The following BMERB1 variants were observed in gnomAD, a reference collection of about 807,000 sequenced individuals.
BMERB1 encodes bMERB domain-containing protein 1.
In BMERB1, 12 loss-of-function variants were observed where a neutral mutation model predicts 23.6. The observed-to-expected ratio is 0.51, with a 90% CI of 0.33 to 0.82. BMERB1 has a LOEUF of 0.82. BMERB1 is among the 40% of genes least tolerant of loss of function. The pLI is 0.03. For missense variants in BMERB1, 247 were observed against 255.4 expected (o/e 0.97, Z 0.22); for synonymous variants, 122 against 96.6 (o/e 1.26, Z -1.54).
At chr16:15,459,964 C>G (rs2051121146) in intron 1 of BMERB1, among the ~76,000 whole-genome samples, 1 of 152,144 alleles carries the variant, frequency 6.6e-6, no homozygotes, top group Non-Finnish European at 1.5e-5. Flanking sequence ...TTTAATTGGT[C>G]TTCTTCTTGC....
chr16:15,456,786 T>G (rs992923147), intron 1 of BMERB1, among the ~76,000 whole-genome samples: 2 of 152,168 alleles, frequency 1.3e-5, no homozygotes, highest in African/African-American at 4.8e-5. Context: ...AATAAATATC[T>G]TTTGTCATTT....
chr16:15,492,641 G>T (rs768334150), intron 1 of BMERB1, among the ~76,000 whole-genome samples: 1 of 152,082 alleles, frequency 6.6e-6, no homozygotes, highest in Admixed American at 6.6e-5. Flanking sequence ...AATGGTGGCC[G>T]GGCACCATGG....
chr16:15,496,107 A>G (rs1403623817), intron 1 of BMERB1, among the ~76,000 whole-genome samples: 1 of 151,588 alleles, frequency 6.6e-6, no homozygotes, highest in Non-Finnish European at 1.5e-5. Context: ...TGGTGGGGAT[A>G]GTAATGATGG....
At chr16:15,585,503 A>G (rs1376297109) in intron 5 of BMERB1, among the ~76,000 whole-genome samples, 2 of 152,154 alleles carry the variant, frequency 1.3e-5, no homozygotes, top group African/African-American at 2.4e-5. Context: ...TCTCACAGAA[A>G]AAAGCAACCC....
intron 1 of BMERB1, among the ~76,000 whole-genome samples, chr16:15,477,991 G>A (rs1174663761): frequency 6.6e-6 from 1 of 152,116 alleles, no homozygotes; most frequent in Non-Finnish European, 1.5e-5. Flanking sequence ...CAGAAGTCCT[G>A]TAGCTTGACT....
intron 1 of BMERB1, among the ~76,000 whole-genome samples, chr16:15,453,816 A>G (rs776477344): frequency 1.7e-4 from 25 of 150,956 alleles, no homozygotes; most frequent in Admixed American, 9.2e-4. Flanking sequence ...GGAGGTTGCA[A>G]TGAGTCGAGA....
chr16:15,506,295 C>T (rs1407946087), intron 1 of BMERB1, among the ~76,000 whole-genome samples: 1 of 152,022 alleles, frequency 6.6e-6, no homozygotes, highest in Non-Finnish European at 1.5e-5. Context: ...CCTGCCTCAG[C>T]CTCCCAAGTA....
Position 15,587,857 on chromosome 16 carries a change from C to T in BMERB1, c.*1028C>T, listed in dbSNP as rs998497221. 5.0e-6 allele frequency: 1 copy of T among 201,184 alleles called. No individual in the cohort carries two copies. Among genetic ancestry groups the T allele is most frequent in the African/African-American group, 2.3e-5 (1 of 42,580 alleles). The allele number at this position is 201,184 out of a possible 1,614,324, so 12.5% of individuals were successfully genotyped here. ...GCCCGGTACAGCCTGTGTGACTTCT[C>T]TGTATGTGTGTGTGTGTCGTGACCA... On this transcript the variant is annotated 3_prime_UTR_variant, in exon 6 of 6. Transcript: ENST00000300006.
At chr16:15,533,667 G>A (rs772571003) in intron 2 of BMERB1, among the ~76,000 whole-genome samples, 5 of 152,126 alleles carry the variant, frequency 3.3e-5, no homozygotes, top group Non-Finnish European at 7.4e-5. Context: ...GGATGATGAG[G>A]GAGTGGCAAA....
At chr16:15,548,205 G>A (rs1567494145) in intron 2 of BMERB1, among the ~76,000 whole-genome samples, 2 of 152,066 alleles carry the variant, frequency 1.3e-5, no homozygotes, top group East Asian at 1.9e-4. Context: ...GGCTGGTCTT[G>A]AACCCCTGAT....
intron 2 of BMERB1, among the ~76,000 whole-genome samples, chr16:15,523,160 T>C (rs2051873289): frequency 6.6e-6 from 1 of 152,046 alleles, no homozygotes; most frequent in Admixed American, 6.5e-5. Context: ...AACTCCACTT[T>C]GTTCCGCCAG....
chr16:15,445,014 C>T (rs1475704508), intron 1 of BMERB1, among the ~76,000 whole-genome samples: 2 of 152,108 alleles, frequency 1.3e-5, no homozygotes, highest in African/African-American at 2.4e-5. Context: ...CCTAGGCCTC[C>T]GAAGTAGCTG....
intron 2 of BMERB1, among the ~76,000 whole-genome samples, chr16:15,559,675 A>G (rs575349637): frequency 2.0e-5 from 3 of 152,300 alleles, no homozygotes; most frequent in East Asian, 3.9e-4. Flanking sequence ...CCAGAAAAAG[A>G]CTTGATTTTT....
chr16:15,437,784 C>G (rs1451056879), intron 1 of BMERB1, among the ~76,000 whole-genome samples: 1 of 152,010 alleles, frequency 6.6e-6, no homozygotes, highest in Non-Finnish European at 1.5e-5. Flanking sequence ...CGGTGAAACC[C>G]CATCTATACT....
At chr16:15,549,694 T>A (rs2030026349) in intron 2 of BMERB1, among the ~76,000 whole-genome samples, 2 of 150,562 alleles carry the variant, frequency 1.3e-5, no homozygotes, top group African/African-American at 2.5e-5. Flanking sequence ...AAAAAAAAAA[T>A]TCCTAAACAG....
At chr16:15,569,418 CCA>C (rs988152061) in intron 3 of BMERB1, among the ~76,000 whole-genome samples, 4 of 151,874 alleles carry the variant, frequency 2.6e-5, no homozygotes, top group Non-Finnish European at 5.9e-5. Context: ...GCGGGAGGTG[CCA>C]CACACTTTTA....
Position 15,576,109 on chromosome 16 carries a change from G to C in BMERB1, c.305-5108G>C, listed in dbSNP as rs1027192052. Reference sequence around the variant, plus strand: ...GCTGGAGTGCAGTGGCGAGATCTGGGTTCACTGCAGTCTCCGCCTCCGGGG... The same window carrying C: ...GCTGGAGTGCAGTGGCGAGATCTGGCTTCACTGCAGTCTCCGCCTCCGGGG... On this transcript the variant is annotated intron_variant, in intron 3 of 5. Transcript: ENST00000300006. Among the ~76,000 whole-genome samples the C allele has an allele frequency of 3.4e-4, 52 of 151,000 alleles. 2 individuals carry two copies. The highest frequency in any genetic ancestry group is 2.9e-5 in the Non-Finnish European group (2 of 67,884).
intron 1 of BMERB1, among the ~76,000 whole-genome samples, chr16:15,497,888 T>C (rs1239258740): frequency 1.3e-5 from 2 of 152,204 alleles, no homozygotes; most frequent in Non-Finnish European, 2.9e-5. Flanking sequence ...CCCGGGTTCC[T>C]GTTCTTCCCT....
intron 2 of BMERB1, among the ~76,000 whole-genome samples, chr16:15,562,124 A>G (rs981509564): frequency 6.6e-6 from 1 of 151,332 alleles, no homozygotes; most frequent in African/African-American, 2.4e-5. Context: ...CCTGATCAAC[A>G]TGGTGAAATC....
Sources: allele counts gnomAD v4.1 joint callset (sites outside exome capture counted in the v4.1 genomes callset), GRCh38; gene constraint gnomAD v4.1.1; transcripts MANE v1.5; gene names NCBI Gene and HGNC (gene_info 2026-07-23, HGNC 2026-07-21).